The following PPP2R3A variants were observed in gnomAD, a reference collection of about 807,000 sequenced individuals.
PPP2R3A encodes the protein protein phosphatase 2 regulatory subunit B''alpha.
PPP2R3A carries 80 observed loss-of-function variants against 106.9 expected under a neutral mutation model. The ratio of observed to expected loss-of-function variants is 0.75; its 90% CI spans 0.62 to 0.90. The LOEUF is 0.90. PPP2R3A is among the 40% of genes least tolerant of loss of function. The pLI is 0.00. For synonymous variants in PPP2R3A, 483 were observed against 468.3 expected, an observed-to-expected ratio of 1.03 and a Z score of -0.41; for missense variants, 1,386 against 1,350.4, an observed-to-expected ratio of 1.03 and a Z score of -0.41.
intron 2 of PPP2R3A, among the ~76,000 whole-genome samples, chr3:136,009,692 C>T (rs1054064684): frequency 1.3e-5 from 2 of 152,122 alleles, no homozygotes; most frequent in African/African-American, 4.8e-5. Flanking sequence ...GGGGGTAGGG[C>T]TCAACATTTT....
intron 1 of PPP2R3A, among the ~76,000 whole-genome samples, chr3:135,968,760 A>AT (rs1232887018): frequency 1.3e-5 from 2 of 152,284 alleles, no homozygotes; most frequent in East Asian, 1.9e-4. Flanking sequence ...CATTGTAGAC[A>AT]TTTTTTGTGG....
intron 2 of PPP2R3A, among the ~76,000 whole-genome samples, chr3:136,015,618 G>A (rs1472441671): frequency 6.6e-6 from 1 of 151,860 alleles, no homozygotes; most frequent in East Asian, 1.9e-4. Context: ...GTTCATAGTA[G>A]CCTTGAATGA....
At chr3:136,076,834 C>T (rs1158236431) in intron 6 of PPP2R3A, among the ~76,000 whole-genome samples, 4 of 151,866 alleles carry the variant, frequency 2.6e-5, no homozygotes, top group Non-Finnish European at 5.9e-5. Context: ...GTAGTGCCAG[C>T]TACTTGGGAG....
Position 135,976,774 on chromosome 3 carries a change from A to G in PPP2R3A, c.-441+10925A>G, listed in dbSNP as rs573248774. Among the ~76,000 whole-genome samples the G allele has an allele frequency of 1.4e-3, 215 of 152,146 alleles. 1 individual carries two copies. Among genetic ancestry groups the G allele is most frequent in the Non-Finnish European group, 2.4e-3 (165 of 68,008 alleles). On this transcript the variant is annotated intron_variant, in intron 1 of 13. Transcript: ENST00000264977. ...ACTTTAATACTTCTTTTCTGCCCCA[A>G]AGATACACATAAAATCTTACTTTTT...
At chr3:136,003,613 C>T (rs1409426397) in intron 2 of PPP2R3A, 120 bp downstream of exon 2, 1 of 814,334 alleles carries the variant, frequency 1.2e-6, no homozygotes, top group Non-Finnish European at 1.9e-6. Context: ...CTGCCCTACA[C>T]TAGGAATGAT....
chr3:136,143,296 C>T (rs928458601), intron 13 of PPP2R3A, among the ~76,000 whole-genome samples: 6 of 152,116 alleles, frequency 3.9e-5, no homozygotes, highest in African/African-American at 1.4e-4. Flanking sequence ...GAAGACCAGC[C>T]TGGCCAACAT....
intron 13 of PPP2R3A, among the ~76,000 whole-genome samples, chr3:136,119,291 A>T (rs1937901907): frequency 6.6e-6 from 1 of 152,240 alleles, no homozygotes; most frequent in Non-Finnish European, 1.5e-5. Context: ...AGGCAGTACC[A>T]TTCAAGACAT....
At chr3:136,060,483 C>T (rs1936038644) in intron 5 of PPP2R3A, among the ~76,000 whole-genome samples, 1 of 152,144 alleles carries the variant, frequency 6.6e-6, no homozygotes, top group Non-Finnish European at 1.5e-5. Flanking sequence ...CACCATCCTC[C>T]TAGTGCTGTC....
chr3:136,127,513 C>T (rs546460637), intron 13 of PPP2R3A, among the ~76,000 whole-genome samples: 11 of 152,088 alleles, frequency 7.2e-5, no homozygotes, highest in African/African-American at 1.2e-4. Flanking sequence ...TGGGACTATG[C>T]GAAAAAACCA....
chr3:136,087,817 A>T, intron 8 of PPP2R3A, 66 bp from the exon 9 acceptor site: 4 of 1,321,616 alleles, frequency 3.0e-6, no homozygotes, highest in Admixed American at 1.9e-5. Flanking sequence ...CAAATTTGTG[A>T]AAAGTATTGC....
At chr3:136,101,423 T>TTGG (rs1937356579) in intron 10 of PPP2R3A, among the ~76,000 whole-genome samples, 3 of 151,908 alleles carry the variant, frequency 2.0e-5, no homozygotes, top group African/African-American at 4.8e-5. Context: ...TGGTTGGTTG[T>TTGG]TTAGTTGGTT....
chr3:135,988,449 C>T (rs890634326), intron 1 of PPP2R3A, among the ~76,000 whole-genome samples: 1 of 152,042 alleles, frequency 6.6e-6, no homozygotes, highest in Non-Finnish European at 1.5e-5. Flanking sequence ...TCCTTCTGGT[C>T]TCTCTCTTCT....
At chr3:136,013,254 A>G (rs1422591400) in intron 2 of PPP2R3A, among the ~76,000 whole-genome samples, 1 of 151,688 alleles carries the variant, frequency 6.6e-6, no homozygotes, top group African/African-American at 2.4e-5. Flanking sequence ...CCACTCATTG[A>G]TTGATGAGCA....
chr3:136,115,838 G>A (rs13073773), intron 13 of PPP2R3A, among the ~76,000 whole-genome samples: 1 of 152,066 alleles, frequency 6.6e-6, no homozygotes. Flanking sequence ...TATTATCCAG[G>A]AGAACTTTCC....
chr3:136,065,166 T>C (rs112040363), intron 5 of PPP2R3A, among the ~76,000 whole-genome samples: 1,680 of 152,228 alleles, frequency 0.011, 27 homozygotes, highest in African/African-American at 0.034. Context: ...ACCTCAAATA[T>C]TGGGATAGGG....
At chr3:136,120,579 C>G (rs1937957628) in intron 13 of PPP2R3A, among the ~76,000 whole-genome samples, 1 of 151,864 alleles carries the variant, frequency 6.6e-6, no homozygotes. Flanking sequence ...CAGAGTGAGA[C>G]TCTTGTCTCA....
chr3:136,029,080 C>T (rs561176795), intron 3 of PPP2R3A, among the ~76,000 whole-genome samples: 5 of 152,094 alleles, frequency 3.3e-5, no homozygotes, highest in Admixed American at 1.3e-4. Context: ...CTCAAACTCC[C>T]GACCTCAGGT....
At chr3:136,022,552 T>G (rs1392357514) in intron 2 of PPP2R3A, among the ~76,000 whole-genome samples, 1 of 152,102 alleles carries the variant, frequency 6.6e-6, no homozygotes, top group African/African-American at 2.4e-5. Flanking sequence ...TATAAAATAT[T>G]AAAGAGAAAA....
At chr3:136,099,045 A>G (rs563171790) in intron 10 of PPP2R3A, among the ~76,000 whole-genome samples, 1 of 152,250 alleles carries the variant, frequency 6.6e-6, no homozygotes, top group African/African-American at 2.4e-5. Flanking sequence ...GAATGCTGAG[A>G]CGCCCAGTCT....
Sources: gnomAD v4.1 joint callset for allele counts (sites outside exome capture counted in the v4.1 genomes callset) on GRCh38, gnomAD v4.1.1 for gene constraint, MANE v1.5 for transcripts, NCBI Gene and HGNC (gene_info 2026-07-23, HGNC 2026-07-21) for gene names.